MAOA: variants seen among roughly 807,000 people sequenced by gnomAD.
MAOA encodes the protein monoamine oxidase A.
In MAOA, 6 loss-of-function variants were observed where a neutral mutation model predicts 42.0. That is an observed-to-expected ratio of 0.14 (90% CI 0.08 to 0.28). The LOEUF is 0.28. MAOA is among the 10% of genes least tolerant of loss of function. The probability of loss-of-function intolerance (pLI) is 1.00; values close to 1 mark genes in which losing one functional copy is unlikely to be tolerated. For synonymous variants in MAOA, 140 were observed against 154.0 expected (o/e 0.91, Z 0.67); for missense variants, 262 against 422.3 (o/e 0.62, Z 3.33).
chrX:43,744,625 T>G lies in MAOA; in HGVS notation c.*112T>G. The G allele has an allele frequency of 1.2e-6, 1 of 829,301 alleles. No homozygotes were observed. The highest frequency in any genetic ancestry group is 1.8e-6 in the Non-Finnish European group (1 of 557,849). The allele number at this position is 829,301 out of a possible 1,213,427, so 68.3% of individuals were successfully genotyped here. ...CATGTTTAAGTGTACTGGATTTAAC[T>G]ACCTTTGGCTTAATTCCAATCATTG... On this transcript the variant is annotated 3_prime_UTR_variant, in exon 15 of 15. Coordinates refer to ENST00000338702, the MANE Select transcript of MAOA (RefSeq NM_000240.4).
chrX:43,718,989 G>A (rs1276224388), intron 5 of MAOA, among the ~76,000 whole-genome samples: 2 of 110,457 alleles, frequency 1.8e-5, no homozygotes, highest in African/African-American at 6.6e-5. Context: ...GACACAGGGT[G>A]GATTGTGTTT....
At chrX:43,666,014 C>A (rs755331896) in intron 1 of MAOA, among the ~76,000 whole-genome samples, 25 of 111,862 alleles carry the variant, frequency 2.2e-4, no homozygotes, top group African/African-American at 8.1e-4. Flanking sequence ...AATGACATGC[C>A]ACCGTATCCT....
At chrX:43,685,397 C>T (rs1042188191) in intron 2 of MAOA, among the ~76,000 whole-genome samples, 2 of 111,704 alleles carry the variant, frequency 1.8e-5, no homozygotes, top group African/African-American at 6.5e-5. Context: ...CCTCAGCTGT[C>T]AGGGATCCTG....
At chrX:43,714,193 A>G (rs1326125683) in intron 5 of MAOA, among the ~76,000 whole-genome samples, 1 of 111,083 alleles carries the variant, frequency 9.0e-6, no homozygotes, top group Non-Finnish European at 1.9e-5. Context: ...ATAATGGAGA[A>G]AGATGGGTGG....
At chrX:43,714,017 G>A (rs941266331) in intron 5 of MAOA, among the ~76,000 whole-genome samples, 21 of 110,627 alleles carry the variant, frequency 1.9e-4, no homozygotes, top group East Asian at 8.7e-4. Context: ...GGTAGAAATC[G>A]TACCTTCCAG....
At chrX:43,669,761 G>T (rs1204448740) in intron 1 of MAOA, among the ~76,000 whole-genome samples, 3 of 111,992 alleles carry the variant, frequency 2.7e-5, no homozygotes, top group African/African-American at 9.7e-5. Context: ...CTCCAGGCAA[G>T]CTGGCTTAAG....
At chrX:43,734,740 C>T (rs1242033751) in intron 9 of MAOA, among the ~76,000 whole-genome samples, 2 of 111,857 alleles carry the variant, frequency 1.8e-5, no homozygotes, top group Non-Finnish European at 3.8e-5. Flanking sequence ...TAAGTTAAAG[C>T]TTATTTATCC....
chrX:43,742,791 C>T (rs1378751309), intron 12 of MAOA, among the ~76,000 whole-genome samples: 1 of 112,207 alleles, frequency 8.9e-6, no homozygotes, highest in Non-Finnish European at 1.9e-5. Flanking sequence ...GGCATTACAC[C>T]TTCATCTGGT....
chrX:43,745,730 C>T lies in MAOA; in HGVS notation c.*1217C>T, dbSNP rs2033994745. The T allele has an allele frequency of 9.0e-6, 1 of 111,392 alleles. No homozygotes were observed. Among genetic ancestry groups the T allele is most frequent in the Admixed American group, 9.5e-5 (1 of 10,477 alleles). 9.2% of individuals were successfully genotyped at this position (111,392 alleles called of 1,213,427 possible). On this transcript the variant is annotated 3_prime_UTR_variant, in exon 15 of 15. Transcript: ENST00000338702. The stretch of plus-strand genomic sequence containing the variant: ...CTCTATCTTAGGAGTAATGTCGGCC[C>T]ACAAGGGTGCCCACCTCTTGTTTTC...
chrX:43,695,088 A>G (rs1208834966), intron 3 of MAOA, among the ~76,000 whole-genome samples: 2 of 112,011 alleles, frequency 1.8e-5, no homozygotes, highest in African/African-American at 6.5e-5. Context: ...TAAAACTCCT[A>G]AAAGTCTACC....
chrX:43,712,550 CT>C (rs1364899639), intron 4 of MAOA, among the ~76,000 whole-genome samples, 154 bp from the exon 5 acceptor site: 2 of 111,532 alleles, frequency 1.8e-5, no homozygotes, highest in Non-Finnish European at 3.8e-5. Context: ...CCAAAGAACT[CT>C]ACCCCACTCC....
chrX:43,722,340 T>C (rs1309779079), intron 5 of MAOA, among the ~76,000 whole-genome samples: 1 of 112,441 alleles, frequency 8.9e-6, no homozygotes, highest in African/African-American at 3.2e-5. Context: ...CTCCACATCC[T>C]CTCCAGCATC....
At position 43,731,225 on chromosome X, in the gene MAOA, C is replaced by G. The variant is rs2033878098; in HGVS notation, c.646-16C>G. 3 of 1,206,480 alleles carry G rather than the reference C, an allele frequency of 2.5e-6. No homozygotes were observed. The highest frequency in any genetic ancestry group is 3.4e-6 in the Non-Finnish European group (3 of 891,000). On this transcript the variant is annotated splice_polypyrimidine_tract_variant and intron_variant, in intron 6 of 14. Transcript: ENST00000338702. ...GCTTTCATAATGTTTCCTTTCTTAC[C>G]TACCTCCTCCTGTAGGAACGGAAGT...
intron 9 of MAOA, among the ~76,000 whole-genome samples, chrX:43,734,069 A>G (rs2033902052): frequency 1.8e-5 from 2 of 110,051 alleles, no homozygotes; most frequent in Non-Finnish European, 3.8e-5. Context: ...ATGGAAGAGC[A>G]ATTGATATTT....
chrX:43,708,105 G>A (rs981968089), intron 3 of MAOA, among the ~76,000 whole-genome samples: 2 of 111,171 alleles, frequency 1.8e-5, no homozygotes, highest in Non-Finnish European at 3.8e-5. Flanking sequence ...TTTGGGGCAC[G>A]GTTCCAGGGA....
At chrX:43,674,899 T>C (rs1255890583) in intron 1 of MAOA, among the ~76,000 whole-genome samples, 2 of 110,906 alleles carry the variant, frequency 1.8e-5, no homozygotes, top group Non-Finnish European at 3.8e-5. Context: ...TCATTTCAAC[T>C]TTGGTGAATC....
In MAOA at chrX:43,678,734, T is replaced by A. The variant is rs755504023; in HGVS notation, c.74-4779T>A. Among the ~76,000 whole-genome samples, 4 of 111,925 alleles carry A rather than the reference T, an allele frequency of 3.6e-5. No homozygotes were observed. The East Asian group carries it at 1.1e-3, about 31-fold the overall frequency. On this transcript the variant is annotated intron_variant, in intron 1 of 14. Coordinates refer to ENST00000338702, the MANE Select transcript of MAOA (RefSeq NM_000240.4). ...CTTACATCTTAAAGTAGGAATAATT[T>A]TTAGGTTTTGCCATTCAAATCAGCA...
intron 1 of MAOA, among the ~76,000 whole-genome samples, chrX:43,662,113 A>G (rs1158710495): frequency 9.0e-6 from 1 of 111,635 alleles, no homozygotes; most frequent in African/African-American, 3.3e-5. Context: ...ACTTGGCAGC[A>G]TGTACTGTGT....
rs188852194 is a variant in MAOA at position 43,728,984 on chromosome X, A to G, written c.645+670A>G. Reference sequence around the variant, plus strand: ...TTTCTGTTATCCAAAGAGAATGGGTATCTCTGTTCTATAAATGTTGTGCTT... The same window carrying G: ...TTTCTGTTATCCAAAGAGAATGGGTGTCTCTGTTCTATAAATGTTGTGCTT... On this transcript the variant is annotated intron_variant, in intron 6 of 14. Coordinates refer to ENST00000338702, the MANE Select transcript of MAOA (RefSeq NM_000240.4). Among the ~76,000 whole-genome samples, 22 of 113,233 alleles carry G rather than the reference A, an allele frequency of 1.9e-4. No homozygotes were observed. The East Asian group carries it at 3.1e-3, about 16-fold the overall frequency.
Sources: allele counts gnomAD v4.1 joint callset (sites outside exome capture counted in the v4.1 genomes callset), GRCh38; gene constraint gnomAD v4.1.1; transcripts MANE v1.5; gene names NCBI Gene and HGNC (gene_info 2026-07-23, HGNC 2026-07-21).